Variants in CELF2 observed in about 807,000 individuals in gnomAD.
CELF2 encodes CUGBP Elav-like family member 2.
CELF2 carries 8 observed loss-of-function variants against 62.6 expected under a neutral mutation model. The ratio of observed to expected loss-of-function variants is 0.13; its 90% CI spans 0.07 to 0.23. CELF2 has a LOEUF of 0.23. Among genes scored for constraint, CELF2 ranks in the 10% least tolerant of loss-of-function variants. The pLI is 1.00. For synonymous variants in CELF2, 258 were observed against 250.0 expected, an observed-to-expected ratio of 1.03 and a Z score of -0.30; for missense variants, 333 against 671.0, an observed-to-expected ratio of 0.50 and a Z score of 5.56.
rs938468268 is a variant in CELF2 at position 11,214,577 on chromosome 10, C to T, written c.272-2848C>T. Among the ~76,000 whole-genome samples the T allele has an allele frequency of 7.2e-5, 11 of 152,196 alleles. No individual in the cohort carries two copies. The highest frequency in any genetic ancestry group is 3.3e-4 in the Admixed American group (5 of 15,284). ...TGGAGATGGGATCCCCTCTTGGAATCGGCACAAAGGCTCCAGGCTTCCCTG... is the reference window on the plus strand; with the variant it reads ...TGGAGATGGGATCCCCTCTTGGAATTGGCACAAAGGCTCCAGGCTTCCCTG... On this transcript the variant is annotated intron_variant, in intron 2 of 12. Coordinates refer to ENST00000633077, the MANE Select transcript of CELF2 (RefSeq NM_001326342.2). The surrounding 1 kb of genome is among the most constrained non-coding windows in gnomAD (Gnocchi z 4.2).
rs139046953 is a variant in CELF2 at position 11,237,320 on chromosome 10, G to A, written c.355-11833G>A. Among the ~76,000 whole-genome samples, 496 of 152,268 alleles carry A rather than the reference G, an allele frequency of 3.3e-3. 6 individuals are homozygous for A. The highest frequency in any genetic ancestry group is 0.011 in the African/African-American group (465 of 41,554). On this transcript the variant is annotated intron_variant, in intron 3 of 12. Coordinates refer to ENST00000633077, the MANE Select transcript of CELF2 (RefSeq NM_001326342.2). This position sits in a 1 kb window ranked among gnomAD's most constrained non-coding sequence, Gnocchi z 4.0. ...AAGCTGGAAGAGCTGCCCCCATCCC[G>A]GGGTTGATGTCCCCATAAGCCGTGG...
In CELF2 at chr10:11,012,759, C is replaced by A. The variant is rs2056676429; in HGVS notation, c.53+7319C>A. On this transcript the variant is annotated intron_variant, in intron 1 of 12. Coordinates refer to the CELF2 transcript ENST00000416382. This position sits in a 1 kb window ranked among gnomAD's most constrained non-coding sequence, Gnocchi z 5.5. ...GTGGACTGGGAAGGAATGAAAACCT[C>A]ATTCTGATAAGTGTAAATTTTGTTC... Among the ~76,000 whole-genome samples, 1 of 152,184 alleles carries A rather than the reference C, an allele frequency of 6.6e-6. No homozygotes were observed. The highest frequency in any genetic ancestry group is 1.5e-5 in the Non-Finnish European group (1 of 68,036).
intron 4 of CELF2, among the ~76,000 whole-genome samples, chr10:11,252,658 G>T (rs2077492818): frequency 6.6e-6 from 1 of 152,194 alleles, no homozygotes; most frequent in African/African-American, 2.4e-5. Context: ...ATGGCTTCCT[G>T]TAACCTGCCC....
At chr10:10,496,076 C>T in the CELF2 span, among the ~76,000 whole-genome samples, 1 of 152,148 alleles carries the variant, frequency 6.6e-6, no homozygotes, top group Non-Finnish European at 1.5e-5. Context: ...GAAACTCTAT[C>T]CCTTTTGCTC....
chr10:11,116,796 T>A (rs1435758301), intron 1 of CELF2, among the ~76,000 whole-genome samples: 1 of 152,246 alleles, frequency 6.6e-6, no homozygotes, highest in Non-Finnish European at 1.5e-5. Flanking sequence ...ATCAGTAAGT[T>A]GTTTATGTCA....
the CELF2 span, among the ~76,000 whole-genome samples, chr10:10,693,601 T>A: frequency 0.012 from 1,764 of 151,406 alleles, 41 homozygotes; most frequent in Admixed American, 0.052. Flanking sequence ...AGTTCCTCCT[T>A]GTACCTCTGG....
At chr10:10,969,313 A>G (rs2050499218) in intron 2 of CELF2, among the ~76,000 whole-genome samples, 4 of 152,224 alleles carry the variant, frequency 2.6e-5, no homozygotes, top group Non-Finnish European at 5.9e-5. Flanking sequence ...AGTGAATTCC[A>G]CTAAGTCACA....
At chr10:10,766,706 T>G in the CELF2 span, among the ~76,000 whole-genome samples, 1 of 152,228 alleles carries the variant, frequency 6.6e-6, no homozygotes, top group African/African-American at 2.4e-5. Context: ...ATGAGCCTGC[T>G]ATGTCTGCCC....
chr10:11,090,408 T>C (rs2048006721), intron 1 of CELF2, among the ~76,000 whole-genome samples: 1 of 152,198 alleles, frequency 6.6e-6, no homozygotes, highest in Admixed American at 6.5e-5. Flanking sequence ...GATATGCTGC[T>C]TTTATGTACT....
intron 1 of CELF2, among the ~76,000 whole-genome samples, chr10:10,844,870 G>C (rs561941421): frequency 1.3e-5 from 2 of 152,190 alleles, no homozygotes; most frequent in East Asian, 3.9e-4. Context: ...GCTGTTTATT[G>C]CTCACCTCTT....
At chr10:10,628,703 G>T in the CELF2 span, among the ~76,000 whole-genome samples, 1 of 151,874 alleles carries the variant, frequency 6.6e-6, no homozygotes, top group Non-Finnish European at 1.5e-5. Flanking sequence ...ATGGACATTT[G>T]GGTTGGTTCC....
At chr10:10,645,903 C>T in the CELF2 span, among the ~76,000 whole-genome samples, 5 of 151,998 alleles carry the variant, frequency 3.3e-5, no homozygotes, top group Non-Finnish European at 7.4e-5. Context: ...TAGGGTAACT[C>T]GTTCTGGTTT....
chr10:10,949,904 C>T (rs2048131448), intron 2 of CELF2, among the ~76,000 whole-genome samples: 1 of 151,150 alleles, frequency 6.6e-6, no homozygotes, highest in African/African-American at 2.4e-5. Flanking sequence ...TGGCTGAAAA[C>T]CCTTATTTTG....
chr10:10,973,826 C>T lies in CELF2; in HGVS notation c.89+53827C>T, dbSNP rs562100143. On this transcript the variant is annotated intron_variant, in intron 2 of 13. Coordinates refer to the CELF2 transcript ENST00000636488. ...CCAACTACCCTCCCCCTGCAGCCTCCCAAAGTGCTGGGATTACAGGCATTA... is the reference window on the plus strand; with the variant it reads ...CCAACTACCCTCCCCCTGCAGCCTCTCAAAGTGCTGGGATTACAGGCATTA... Among the ~76,000 whole-genome samples the T allele has an allele frequency of 6.6e-5, 10 of 152,282 alleles. No homozygotes were observed. In the South Asian group the frequency reaches 1.9e-3, roughly 28 times the overall value.
chr10:11,179,421 G>A (rs991384146), intron 2 of CELF2, among the ~76,000 whole-genome samples: 4 of 152,226 alleles, frequency 2.6e-5, no homozygotes, highest in South Asian at 4.1e-4. Flanking sequence ...TGTATCTTGT[G>A]TGTCTCTGAA....
chr10:10,629,996 C>G, the CELF2 span, among the ~76,000 whole-genome samples: 7 of 148,456 alleles, frequency 4.7e-5, no homozygotes, highest in Middle Eastern at 3.6e-3. Context: ...TCCTATTATT[C>G]TGCGTTCTCC....
intron 2 of CELF2, among the ~76,000 whole-genome samples, chr10:11,187,400 G>A (rs558411224): frequency 4.6e-5 from 7 of 151,876 alleles, no homozygotes; most frequent in African/African-American, 7.3e-5. Flanking sequence ...CTCTCTTCAC[G>A]TGTATGTATC....
chr10:10,675,354 C>T, the CELF2 span, among the ~76,000 whole-genome samples: 1 of 152,104 alleles, frequency 6.6e-6, no homozygotes, highest in Non-Finnish European at 1.5e-5. Context: ...AGAGGTGAAT[C>T]TTTTTCCTTC....
At position 11,311,895 on chromosome 10, in the gene CELF2, A is replaced by T. The variant is rs1203868614; in HGVS notation, c.977-2244A>T. On this transcript the variant is annotated intron_variant, in intron 9 of 12. Transcript: ENST00000633077. This position sits in a 1 kb window ranked among gnomAD's most constrained non-coding sequence, Gnocchi z 4.7. ...GTCAATATAAGAGCAGCTAATAACCAAGAACTTTTCAGAACTGATAAAAGG... is the reference window on the plus strand; with the variant it reads ...GTCAATATAAGAGCAGCTAATAACCTAGAACTTTTCAGAACTGATAAAAGG... 6.6e-6 allele frequency among the ~76,000 whole-genome samples: 1 copy of T among 152,218 alleles called. No homozygotes were observed. Among genetic ancestry groups the T allele is most frequent in the Non-Finnish European group, 1.5e-5 (1 of 68,032 alleles).
Sources: gnomAD v4.1 joint callset for allele counts (sites outside exome capture counted in the v4.1 genomes callset) on GRCh38, gnomAD v4.1.1 for gene constraint, Gnocchi (gnomAD v3.1) non-coding constraint, MANE v1.5 for transcripts, NCBI Gene and HGNC (gene_info 2026-07-23, HGNC 2026-07-21) for gene names.